Variants in TEX9 observed in about 807,000 individuals in gnomAD.
The protein encoded by TEX9 is testis expressed 9.
In TEX9, 74 loss-of-function variants were observed where a neutral mutation model predicts 59.6. The observed-to-expected ratio is 1.24, with a 90% CI of 1.03 to 1.51. TEX9 has a LOEUF of 1.51. TEX9 is among the 40% of genes most tolerant of loss of function. The pLI, the probability that TEX9 is intolerant of heterozygous loss-of-function variation, is 0.00. For missense variants in TEX9, 522 were observed against 447.8 expected, an observed-to-expected ratio of 1.17 and a Z score of -1.49; for synonymous variants, 186 against 152.2, an observed-to-expected ratio of 1.22 and a Z score of -1.64.
At chr15:56,305,050 A>G (rs2141589242) in intron 1 of TEX9, among the ~76,000 whole-genome samples, 1 of 152,360 alleles carries the variant, frequency 6.6e-6, no homozygotes, top group South Asian at 2.1e-4. Context: ...TACAAATACA[A>G]TTAAATACCT....
At chr15:56,454,893 A>ATTCT in the TEX9 span, among the ~76,000 whole-genome samples, 1 of 152,142 alleles carries the variant, frequency 6.6e-6, no homozygotes, top group Non-Finnish European at 1.5e-5. Flanking sequence ...ATAAAATCTA[A>ATTCT]TTCTGTATTA....
chr15:56,265,541 A>C lies in TEX9; in HGVS notation c.-107+21263A>C, dbSNP rs192787751. On this transcript the variant is annotated intron_variant, in intron 1 of 5. Coordinates refer to the TEX9 transcript ENST00000560827. ...AGGGCAGCTTTATCTGCATCCCAAT[A>C]ATTTTGATATGATGTTTTTTCATGT... 3.9e-5 allele frequency among the ~76,000 whole-genome samples: 6 copies of C among 152,206 alleles called. No individual in the cohort carries two copies. In the East Asian group the frequency reaches 1.2e-3, roughly 29 times the overall value.
chr15:56,379,526 T>A (rs1006114464), intron 3 of TEX9, among the ~76,000 whole-genome samples: 1 of 152,358 alleles, frequency 6.6e-6, no homozygotes, highest in Non-Finnish European at 1.5e-5. Context: ...CTGTAGTCTT[T>A]GGATGAAATG....
chr15:56,382,984 C>G (rs1820709014), intron 3 of TEX9, among the ~76,000 whole-genome samples: 1 of 152,132 alleles, frequency 6.6e-6, no homozygotes, highest in South Asian at 2.1e-4. Context: ...CCATTGTATC[C>G]TAGACTGCCC....
intron 1 of TEX9, among the ~76,000 whole-genome samples, chr15:56,246,881 GAAAATA>G (rs148900328): frequency 0.011 from 1,653 of 152,266 alleles, 14 homozygotes; most frequent in Middle Eastern, 0.017. Context: ...CTATAAAAAT[GAAAATA>G]ATGATGTACA....
chr15:56,388,930 A>G (rs2048082775), intron 5 of TEX9, among the ~76,000 whole-genome samples: 1 of 152,066 alleles, frequency 6.6e-6, no homozygotes, highest in East Asian at 1.9e-4. Context: ...AGTGGGATCT[A>G]TGTTTCCCAT....
chr15:56,301,060 C>T (rs374325611), intron 1 of TEX9, among the ~76,000 whole-genome samples: 9 of 152,086 alleles, frequency 5.9e-5, no homozygotes, highest in East Asian at 1.9e-4. Flanking sequence ...TGTGACCTTT[C>T]GGACAGAGAA....
chr15:56,288,078 A>T (rs760923563), intron 1 of TEX9, among the ~76,000 whole-genome samples: 4 of 152,058 alleles, frequency 2.6e-5, no homozygotes, highest in Non-Finnish European at 5.9e-5. Context: ...TGTATTTTTA[A>T]TTTTTTGAGC....
intron 4 of TEX9, among the ~76,000 whole-genome samples, chr15:56,384,655 A>G (rs1327704978): frequency 1.3e-5 from 2 of 152,234 alleles, no homozygotes; most frequent in African/African-American, 2.4e-5. Context: ...ACAAAAATTC[A>G]GAAGTGTGGC....
chr15:56,308,080 T>C (rs575285068), intron 1 of TEX9, among the ~76,000 whole-genome samples: 84 of 152,320 alleles, frequency 5.5e-4, no homozygotes, highest in African/African-American at 1.9e-3. Flanking sequence ...TCAGTTTTCA[T>C]CAGTATATAT....
chr15:56,276,922 G>T (rs2044683220), intron 1 of TEX9, among the ~76,000 whole-genome samples: 1 of 152,182 alleles, frequency 6.6e-6, no homozygotes, highest in South Asian at 2.1e-4. Context: ...GATCAGTGAT[G>T]ATGAGCCTTT....
At chr15:56,426,618 T>TATATATATAGATATAG (rs2050279086) in intron 10 of TEX9, among the ~76,000 whole-genome samples, 1 of 49,130 alleles carries the variant, frequency 2.0e-5, no homozygotes. Flanking sequence ...TATATATATA[T>TATATATATAGATATAG]ATATATATAC....
At chr15:56,373,418 T>A in intron 2 of TEX9, 23 bp from the exon 3 acceptor site, 1 of 1,587,608 alleles carries the variant, frequency 6.3e-7, no homozygotes, top group Non-Finnish European at 8.5e-7. Context: ...CTTCAGTATA[T>A]CCCAATTATT....
At chr15:56,250,556 T>C (rs1476858656) in intron 1 of TEX9, among the ~76,000 whole-genome samples, 2 of 152,196 alleles carry the variant, frequency 1.3e-5, no homozygotes, top group East Asian at 3.8e-4. Context: ...TCTGAGGAGT[T>C]TGTGCTTCCA....
At position 56,331,372 on chromosome 15, in the gene TEX9, A is replaced by T. The variant is rs369545964; in HGVS notation, c.-106-42069A>T. On this transcript the variant is annotated intron_variant, in intron 1 of 5. Transcript: ENST00000560827. ...TACGCATTCTTCTCCTCAGCACATA[A>T]ATCATTCTCAAGGATAGACCATATG... 2.0e-5 allele frequency among the ~76,000 whole-genome samples: 3 copies of T among 152,306 alleles called. 1 individual carries two copies. The highest frequency in any genetic ancestry group is 6.5e-5 in the Admixed American group (1 of 15,292).
intron 9 of TEX9, among the ~76,000 whole-genome samples, chr15:56,399,476 C>T (rs1156641786): frequency 6.6e-6 from 1 of 152,260 alleles, no homozygotes; most frequent in African/African-American, 2.4e-5. Context: ...CTGGGCAGAG[C>T]CCACCACAGC....
intron 1 of TEX9, among the ~76,000 whole-genome samples, chr15:56,275,584 G>A (rs1596059640): frequency 6.6e-6 from 1 of 152,094 alleles, no homozygotes; most frequent in Non-Finnish European, 1.5e-5. Context: ...ACTTTTTAGT[G>A]GCCCCATCTT....
intron 3 of TEX9, among the ~76,000 whole-genome samples, chr15:56,378,217 G>A (rs1304568565): frequency 2.6e-5 from 4 of 152,064 alleles, no homozygotes; most frequent in Non-Finnish European, 2.9e-5. Context: ...TGGTTTCAGG[G>A]TAATACTAGC....
At chr15:56,428,810 G>T in intron 12 of TEX9, 1 of 359,574 alleles carries the variant, frequency 2.8e-6, no homozygotes, top group Non-Finnish European at 5.0e-6. Context: ...GTTCACTTTG[G>T]GGTAGAGTTC....
Sources: gnomAD v4.1 joint callset for allele counts (sites outside exome capture counted in the v4.1 genomes callset) on GRCh38, gnomAD v4.1.1 for gene constraint, MANE v1.5 for transcripts, NCBI Gene and HGNC (gene_info 2026-07-23, HGNC 2026-07-21) for gene names.